The following STAB1 variants were observed in gnomAD, a reference collection of about 807,000 sequenced individuals.
STAB1 encodes stabilin 1.
A neutral mutation model predicts 332.4 loss-of-function variants in STAB1; 250 were observed. The observed-to-expected ratio is 0.75, with a 90% CI of 0.68 to 0.84. The LOEUF (loss-of-function observed/expected upper bound fraction) is 0.84. Among genes scored for constraint, STAB1 ranks in the 40% least tolerant of loss-of-function variants. The probability of loss-of-function intolerance (pLI) is 0.00; values close to 1 mark genes in which losing one functional copy is unlikely to be tolerated. For synonymous variants in STAB1, 1,475 were observed against 1,390.4 expected (o/e 1.06, Z -1.35); for missense variants, 3,249 against 3,489.7 (o/e 0.93, Z 1.74).
rs750643994 is a variant in STAB1, at chr3:52,523,080, T to C, written c.6966T>C (p.Asn2322=). Residue 2322 remains asparagine (N), a synonymous_variant, in exon 63 of 69, where the codon AAT becomes AAC. Transcript: ENST00000321725. ...TGGGTGACGGGATCAGCACGTGCAATGGGAAGCTGCTGGATGTGCTGGCTG... is the reference window on the plus strand; with the variant it reads ...TGGGTGACGGGATCAGCACGTGCAACGGGAAGCTGCTGGATGTGCTGGCTG... The part of the protein sequence containing the change: ...GFVGDGISTC[N]GKLLDVLAAT... The C allele has an allele frequency of 6.4e-6, 10 of 1,571,566 alleles. No homozygotes were observed. The South Asian group carries it at 1.1e-4, about 17-fold the overall frequency.
At chr3:52,503,193 G>A in intron 7 of STAB1, 84 bp downstream of exon 7, 3 of 1,505,834 alleles carry the variant, frequency 2.0e-6, no homozygotes, top group Non-Finnish European at 2.7e-6. Flanking sequence ...CAAGTGCAAT[G>A]TAATTCACAA....
chr3:52,518,525 G>C lies in STAB1; in HGVS notation c.4810-11G>C. The C allele has an allele frequency of 6.3e-7, 1 of 1,577,914 alleles. No individual in the cohort carries two copies. Among genetic ancestry groups the C allele is most frequent in the Non-Finnish European group, 8.6e-7 (1 of 1,161,056 alleles). On this transcript the variant is annotated splice_polypyrimidine_tract_variant and intron_variant, in intron 46 of 68. Coordinates refer to ENST00000321725, the MANE Select transcript of STAB1 (RefSeq NM_015136.3). ...CTCCCATTCCACTCATGCTGTTGCT[G>C]CCTCCCGCAGGAATATAAGGAGCTC... is the stretch of plus-strand genomic sequence containing the variant.
In STAB1 at chr3:52,511,682, G is replaced by A. The variant is rs372762013; in HGVS notation, c.2820G>A (p.Gly940=). ...SRCTCKLGFA[G]DGYQCSPIDP... Reference sequence around the variant, plus strand: ...GCACCTGCAAGCTGGGCTTTGCCGGGGATGGCTACCAGTGCAGCCCCATCG... The same window carrying A: ...GCACCTGCAAGCTGGGCTTTGCCGGAGATGGCTACCAGTGCAGCCCCATCG... The change falls in exon 26 of 69, where the codon GGG becomes GGA. Residue 940 remains glycine, a synonymous_variant. Coordinates refer to ENST00000321725, the MANE Select transcript of STAB1 (RefSeq NM_015136.3). 12 of 1,610,852 alleles carry A rather than the reference G, an allele frequency of 7.4e-6. No homozygotes were observed. The African/African-American group carries it at 1.2e-4, about 16-fold the overall frequency.
At chr3:52,510,713 C>A (rs1200236444) in intron 25 of STAB1, among the ~76,000 whole-genome samples, 1 of 152,216 alleles carries the variant, frequency 6.6e-6, no homozygotes, top group African/African-American at 2.4e-5. Flanking sequence ...TTTTCAGGCA[C>A]CTATTCCATG....
intron 43 of STAB1, 45 bp from the exon 44 acceptor site, chr3:52,517,505 C>T (rs1307768073): frequency 6.2e-7 from 1 of 1,605,730 alleles, no homozygotes; most frequent in African/African-American, 1.3e-5. Context: ...GGGTGCTGGC[C>T]AGCTGTTGGC....
At chr3:52,495,786 T>C (rs945593530) in intron 1 of STAB1, among the ~76,000 whole-genome samples, 4 of 152,204 alleles carry the variant, frequency 2.6e-5, no homozygotes, top group African/African-American at 9.6e-5. Flanking sequence ...CCTGCCCTTC[T>C]GGCCCAGACG....
chr3:52,515,884 A>G (rs940238788), intron 37 of STAB1, among the ~76,000 whole-genome samples, 159 bp from the exon 38 acceptor site: 3 of 151,916 alleles, frequency 2.0e-5, no homozygotes, highest in African/African-American at 7.3e-5. Context: ...TTTAGGAGGT[A>G]TCTCTGTGTC....
At position 52,520,914 on chromosome 3, in the gene STAB1, C is replaced by T; in HGVS notation, c.5817C>T (p.Pro1939=). ...TCCACCCCAGCCTTTGGGGTAGGCC[C>T]CAAGGCCTGGGCAGGGGCTGCCACC... The part of the protein sequence containing the change: ...VWVHPSLWGR[P]QGLGRGCHRN... Residue 1939 remains proline, a synonymous_variant, in exon 55 of 69, where the codon CCC becomes CCT. Coordinates refer to ENST00000321725, the MANE Select transcript of STAB1 (RefSeq NM_015136.3). 1 of 1,604,852 alleles carries T rather than the reference C, an allele frequency of 6.2e-7. No homozygotes were observed. Among genetic ancestry groups the T allele is most frequent in the Non-Finnish European group, 8.5e-7 (1 of 1,175,668 alleles).
chr3:52,505,130 C>T lies in STAB1; in HGVS notation c.1505C>T (p.Pro502Leu). ...CGGTGGCAGGCCCCCTCTGGGACCC[C>T]TGGGGATCCCAAGGTGAGCCAGCAT... ...GLRWQAPSGT[P>L]GDPKRTIGQI... Residue 502 changes from proline to leucine, a missense_variant, in exon 13 of 69, where the codon CCT becomes CTT. Pro to Leu is a moderately conservative substitution (Grantham distance 98, BLOSUM62 -3). Transcript: ENST00000321725. The T allele has an allele frequency of 1.9e-6, 3 of 1,613,044 alleles. No individual in the cohort carries two copies. The highest frequency in any genetic ancestry group is 2.5e-6 in the Non-Finnish European group (3 of 1,179,850).
At chr3:52,508,154 G>C in intron 20 of STAB1, 119 bp from the exon 21 acceptor site, 1 of 1,349,506 alleles carries the variant, frequency 7.4e-7, no homozygotes. Context: ...GTGGAAAAGG[G>C]GTCCCAGAGA....
At chr3:52,518,284 A>G in intron 45 of STAB1, 28 bp from the exon 46 acceptor site, 1 of 1,611,214 alleles carries the variant, frequency 6.2e-7, no homozygotes, top group Non-Finnish European at 8.5e-7. Context: ...GGGCCGCCCC[A>G]AATCTGAGCT....
chr3:52,508,240 G>T, intron 20 of STAB1, 33 bp from the exon 21 acceptor site: 1 of 1,589,630 alleles, frequency 6.3e-7, no homozygotes, highest in South Asian at 1.1e-5. Flanking sequence ...CATGGACCCA[G>T]ATGGCCTCTT....
chr3:52,505,960 C>G, intron 16 of STAB1, 24 bp downstream of exon 16: 1 of 1,612,798 alleles, frequency 6.2e-7, no homozygotes, highest in Non-Finnish European at 8.5e-7. Flanking sequence ...TTCTGGGGGG[C>G]GGCCAGCTTG....
chr3:52,523,919 G>C lies in STAB1; in HGVS notation c.7444G>C (p.Ala2482Pro), dbSNP rs1252950621. Reference sequence around the variant, plus strand: ...CCCACCTGTGGCGGCAGGCGTGGGGGCTGTGCTTGCCGCTGGAGCACTGCT... The same window carrying C: ...CCCACCTGTGGCGGCAGGCGTGGGGCCTGTGCTTGCCGCTGGAGCACTGCT... Reference protein sequence around the residue: ...EAPPVAAGVGAVLAAGALLGL... With the variant: ...EAPPVAAGVGPVLAAGALLGL... Residue 2482 changes from alanine (A) to proline (P), a missense_variant, in exon 67 of 69, where the codon GCT becomes CCT. Transcript: ENST00000321725. 8.7e-6 allele frequency: 14 copies of C among 1,609,190 alleles called. No individual in the cohort carries two copies. Among genetic ancestry groups the C allele is most frequent in the Non-Finnish European group, 1.0e-5 (12 of 1,179,822 alleles).
chr3:52,501,350 G>A (rs761218392), intron 2 of STAB1, 48 bp downstream of exon 2: 3 of 1,594,612 alleles, frequency 1.9e-6, no homozygotes, highest in South Asian at 1.1e-5. Flanking sequence ...ATCCTGTGGG[G>A]TGGCAGGGAC....
intron 1 of STAB1, among the ~76,000 whole-genome samples, chr3:52,497,356 T>C (rs1708109727): frequency 6.6e-6 from 1 of 151,692 alleles, no homozygotes; most frequent in Admixed American, 6.6e-5. Flanking sequence ...CGTCTAAGGA[T>C]GACTTAAGGT....
At position 52,513,714 on chromosome 3, in the gene STAB1, C is replaced by T; in HGVS notation, c.3271-3C>T. 2.5e-6 allele frequency: 4 copies of T among 1,612,750 alleles called. No individual in the cohort carries two copies. Among genetic ancestry groups the T allele is most frequent in the Non-Finnish European group, 2.5e-6 (3 of 1,179,852 alleles). ...GTGGCTAAGCTCTGCTGCTGCCTTCCAGAGGGTCTGGGTGCAGAATGCCAG... is the reference window on the plus strand; with the variant it reads ...GTGGCTAAGCTCTGCTGCTGCCTTCTAGAGGGTCTGGGTGCAGAATGCCAG... On this transcript the variant is annotated splice_region_variant and splice_polypyrimidine_tract_variant and intron_variant, in intron 30 of 68. Coordinates refer to ENST00000321725, the MANE Select transcript of STAB1 (RefSeq NM_015136.3).
chr3:52,523,946 G>A lies in STAB1; in HGVS notation c.7471G>A (p.Gly2491Ser). The A allele has an allele frequency of 2.5e-6, 4 of 1,610,944 alleles. 1 individual carries two copies. In the South Asian group the frequency reaches 4.4e-5, roughly 18 times the overall value. The change falls in exon 67 of 69, where the codon GGC becomes AGC. Residue 2491 changes from glycine to serine, a missense_variant. Transcript: ENST00000321725. ...GAVLAAGALL[G>S]LVAGALYLRA... ...TGTGCTTGCCGCTGGAGCACTGCTTGGCTTGGTGGCCGGAGCTCTCTACCT... is the reference window on the plus strand; with the variant it reads ...TGTGCTTGCCGCTGGAGCACTGCTTAGCTTGGTGGCCGGAGCTCTCTACCT...
At chr3:52,507,872 A>G in intron 19 of STAB1, 59 bp from the exon 20 acceptor site, 1 of 1,549,680 alleles carries the variant, frequency 6.5e-7, no homozygotes. Context: ...AGGGCTGCCT[A>G]GCAAAGGGGC....
Sources: allele counts gnomAD v4.1 joint callset (sites outside exome capture counted in the v4.1 genomes callset), GRCh38; gene constraint gnomAD v4.1.1; transcripts MANE v1.5; gene names NCBI Gene and HGNC (gene_info 2026-07-23, HGNC 2026-07-21).